The following TGFBR2 variants were observed in gnomAD, a reference collection of about 807,000 sequenced individuals.
TGFBR2 encodes TGF-beta receptor type-2.
TGFBR2 carries 18 observed loss-of-function variants against 49.0 expected under a neutral mutation model. The observed-to-expected ratio is 0.37, with a 90% confidence interval of 0.25 to 0.54. The LOEUF (loss-of-function observed/expected upper bound fraction) is 0.54, where lower values mean the gene tolerates loss of function less well. TGFBR2 is among the 20% of genes least tolerant of loss of function. The pLI is 0.85. For synonymous variants in TGFBR2, 282 were observed against 275.9 expected (o/e 1.02, Z -0.22); for missense variants, 525 against 722.6 (o/e 0.73, Z 3.13).
chr3:30,653,801 A>G (rs1698944915), intron 3 of TGFBR2, among the ~76,000 whole-genome samples: 1 of 152,250 alleles, frequency 6.6e-6, no homozygotes, highest in African/African-American at 2.4e-5. Context: ...ATGATAGTTA[A>G]TATTCAGAGA....
intron 1 of TGFBR2, among the ~76,000 whole-genome samples, chr3:30,633,934 A>G (rs1238948886): frequency 6.6e-6 from 1 of 152,098 alleles, no homozygotes; most frequent in Non-Finnish European, 1.5e-5. Context: ...ACCTCGTTAT[A>G]TTACTTTTTA....
At chr3:30,685,887 A>G (rs1490850339) in intron 5 of TGFBR2, among the ~76,000 whole-genome samples, 5 of 152,234 alleles carry the variant, frequency 3.3e-5, no homozygotes, top group Non-Finnish European at 5.9e-5. Context: ...TGAAGATGGA[A>G]GGTCTGTGGA....
chr3:30,630,492 T>G (rs992107449), intron 1 of TGFBR2, among the ~76,000 whole-genome samples: 1 of 152,218 alleles, frequency 6.6e-6, no homozygotes, highest in African/African-American at 2.4e-5. Context: ...TGTTGGAAGA[T>G]TGCACCTTGA....
intron 2 of TGFBR2, among the ~76,000 whole-genome samples, chr3:30,649,641 C>T (rs1698843352): frequency 6.6e-6 from 1 of 151,966 alleles, no homozygotes; most frequent in Non-Finnish European, 1.5e-5. Context: ...TTCTGAATTG[C>T]TCCTTTCTGT....
chr3:30,619,184 G>T lies in TGFBR2; in HGVS notation c.94+12207G>T, dbSNP rs141931643. 7.7e-3 allele frequency among the ~76,000 whole-genome samples: 1,171 copies of T among 152,162 alleles called. 17 individuals carry two copies. The highest frequency in any genetic ancestry group is 0.026 in the African/African-American group (1,091 of 41,504). On this transcript the variant is annotated intron_variant, in intron 1 of 6. Transcript: ENST00000295754. Reference sequence around the variant, plus strand: ...AAATCTTAAGTTATCCATCAGAAAAGTTACGCAAAATCTATAACCATTTGG... The same window carrying T: ...AAATCTTAAGTTATCCATCAGAAAATTTACGCAAAATCTATAACCATTTGG...
At position 30,606,755 on chromosome 3, in the gene TGFBR2, C is replaced by T. The variant is rs1004951275; in HGVS notation, c.-129C>T. On this transcript the variant is annotated 5_prime_UTR_variant, in exon 1 of 7. Coordinates refer to ENST00000295754, the MANE Select transcript of TGFBR2 (RefSeq NM_003242.6). ...CTGGCGAGCGGGCGCCACATCTGGCCCGCACATCTGCGCTGCCGGCCCGGC... is the reference window on the plus strand; with the variant it reads ...CTGGCGAGCGGGCGCCACATCTGGCTCGCACATCTGCGCTGCCGGCCCGGC... 3.1e-6 allele frequency: 2 copies of T among 637,988 alleles called. No individual in the cohort carries two copies. The highest frequency in any genetic ancestry group is 7.2e-5 in the South Asian group (1 of 13,844). The allele number at this position is 637,988 out of a possible 1,614,324, so 39.5% of individuals were successfully genotyped here.
chr3:30,679,827 T>G (rs528432454), intron 5 of TGFBR2, among the ~76,000 whole-genome samples: 1 of 152,284 alleles, frequency 6.6e-6, no homozygotes, highest in Admixed American at 6.5e-5. Context: ...AGAACGTATT[T>G]AAAATAGTAG....
intron 1 of TGFBR2, among the ~76,000 whole-genome samples, chr3:30,638,731 G>A (rs1241356025): frequency 6.6e-6 from 1 of 152,174 alleles, no homozygotes. Flanking sequence ...CAAGGTATCT[G>A]ATTGGCTTGG....
intron 2 of TGFBR2, among the ~76,000 whole-genome samples, chr3:30,649,192 G>C (rs911062357): frequency 6.6e-6 from 1 of 152,110 alleles, no homozygotes; most frequent in African/African-American, 2.4e-5. Context: ...GAGAGAATGC[G>C]ATTCAAGACA....
intron 5 of TGFBR2, among the ~76,000 whole-genome samples, chr3:30,681,340 G>A (rs553147721): frequency 1.3e-5 from 2 of 152,084 alleles, no homozygotes; most frequent in African/African-American, 4.8e-5. Flanking sequence ...TGAAAACTCG[G>A]GGGTACTGCT....
At chr3:30,622,575 C>T (rs1698248610) in intron 1 of TGFBR2, among the ~76,000 whole-genome samples, 1 of 151,922 alleles carries the variant, frequency 6.6e-6, no homozygotes, top group Non-Finnish European at 1.5e-5. Context: ...TTGCGTACTT[C>T]TTCAGGCAGA....
At chr3:30,607,815 A>ATATATATATAAATATATATATATAT (rs1697954278) in intron 1 of TGFBR2, among the ~76,000 whole-genome samples, 1 of 136,188 alleles carries the variant, frequency 7.3e-6, no homozygotes, top group Admixed American at 7.1e-5. Context: ...TATATATATT[A>ATATATATATAAATATATATATATAT]TATATATATA....
In TGFBR2 at chr3:30,693,161, T is replaced by C. The variant is rs190586104; in HGVS notation, c.*1562T>C. ...CTCAGTTAGCCCAAGTTTCTTTTGC[T>C]TATATGTTAATAGTTTTACCCTCTG... On this transcript the variant is annotated 3_prime_UTR_variant, in exon 7 of 7. Coordinates refer to ENST00000295754, the MANE Select transcript of TGFBR2 (RefSeq NM_003242.6). The C allele has an allele frequency of 6.0e-5, 14 of 233,422 alleles. No homozygotes were observed. The highest frequency in any genetic ancestry group is 5.1e-4 in the Admixed American group (9 of 17,802). 14.5% of individuals were successfully genotyped at this position (233,422 alleles called of 1,614,324 possible).
At chr3:30,648,262 C>T (rs895124152) in intron 2 of TGFBR2, among the ~76,000 whole-genome samples, 19 of 152,004 alleles carry the variant, frequency 1.2e-4, no homozygotes, top group African/African-American at 3.1e-4. Flanking sequence ...GGTAGAAAAC[C>T]GGAGGCTCTG....
chr3:30,648,278 G>C (rs1213541128), intron 2 of TGFBR2, among the ~76,000 whole-genome samples: 1 of 152,142 alleles, frequency 6.6e-6, no homozygotes, highest in Non-Finnish European at 1.5e-5. Context: ...CTCTGGAAGA[G>C]CTGCCCAATA....
At chr3:30,670,786 G>C (rs966925041) in intron 3 of TGFBR2, among the ~76,000 whole-genome samples, 3 of 152,234 alleles carry the variant, frequency 2.0e-5, no homozygotes, top group Admixed American at 6.5e-5. Flanking sequence ...TTTTTAACTT[G>C]TTTTACCTTT....
chr3:30,681,724 G>C (rs937205625), intron 5 of TGFBR2, among the ~76,000 whole-genome samples: 1 of 152,180 alleles, frequency 6.6e-6, no homozygotes, highest in African/African-American at 2.4e-5. Context: ...AGCCCCGTCT[G>C]TCTGGCTTCA....
chr3:30,645,437 T>C (rs1205417274), intron 2 of TGFBR2, among the ~76,000 whole-genome samples: 3 of 151,866 alleles, frequency 2.0e-5, no homozygotes, highest in Non-Finnish European at 2.9e-5. Context: ...ATATTATTCA[T>C]ATAACCATTG....
intron 1 of TGFBR2, among the ~76,000 whole-genome samples, chr3:30,609,433 C>T (rs1697991863): frequency 6.6e-6 from 1 of 152,112 alleles, no homozygotes; most frequent in South Asian, 2.1e-4. Flanking sequence ...CCTAAAAAGG[C>T]CCAAAAATCT....
Sources: gnomAD v4.1 joint callset for allele counts (sites outside exome capture counted in the v4.1 genomes callset) on GRCh38, gnomAD v4.1.1 for gene constraint, MANE v1.5 for transcripts, NCBI Gene and HGNC (gene_info 2026-07-23, HGNC 2026-07-21) for gene names.